HEATR3: variants seen among roughly 807,000 people sequenced by gnomAD.
HEATR3 encodes the protein HEAT repeat-containing protein 3.
In HEATR3, 56 loss-of-function variants were observed where a neutral mutation model predicts 72.8. The observed-to-expected ratio is 0.77, with a 90% confidence interval of 0.62 to 0.96. HEATR3 has a LOEUF of 0.96. HEATR3 is among the 40% of genes least tolerant of loss of function. The pLI is 0.00. For synonymous variants in HEATR3, 331 were observed against 318.1 expected (o/e 1.04, Z -0.43); for missense variants, 747 against 831.4 (o/e 0.90, Z 1.25).
intron 7 of HEATR3, among the ~76,000 whole-genome samples, chr16:50,083,692 T>C: frequency 6.6e-6 from 1 of 152,170 alleles, no homozygotes; most frequent in East Asian, 1.9e-4. Flanking sequence ...TAAGTGACGC[T>C]TGGGGAATAG....
chr16:50,080,443 C>T (rs2036842493), intron 7 of HEATR3, among the ~76,000 whole-genome samples: 1 of 151,322 alleles, frequency 6.6e-6, no homozygotes, highest in African/African-American at 2.4e-5. Context: ...CAGGTTCGAG[C>T]AATTCTCCTG....
At chr16:50,071,825 TA>T (rs879266736) in intron 4 of HEATR3, among the ~76,000 whole-genome samples, 1 of 152,248 alleles carries the variant, frequency 6.6e-6, no homozygotes, top group Non-Finnish European at 1.5e-5. Context: ...ACAACATGGA[TA>T]TTTCCTCTGG....
chr16:50,067,521 G>T (rs1307219531), intron 2 of HEATR3, among the ~76,000 whole-genome samples: 1 of 79,160 alleles, frequency 1.3e-5, no homozygotes, highest in Non-Finnish European at 3.0e-5. Context: ...AGCAGAGAGG[G>T]TAGGTAGGTG....
chr16:50,093,922 C>T (rs2037174904), intron 11 of HEATR3, among the ~76,000 whole-genome samples: 1 of 152,190 alleles, frequency 6.6e-6, no homozygotes, highest in Non-Finnish European at 1.5e-5. Flanking sequence ...CAAAGTCCCA[C>T]CCTGATTTAA....
intron 12 of HEATR3, among the ~76,000 whole-genome samples, chr16:50,099,272 T>C (rs967492770): frequency 6.6e-6 from 1 of 152,148 alleles, no homozygotes; most frequent in African/African-American, 2.4e-5. Flanking sequence ...AAGCAGCAGC[T>C]TATGGGATCA....
intron 10 of HEATR3, among the ~76,000 whole-genome samples, chr16:50,085,108 A>G (rs1047105340): frequency 4.1e-5 from 6 of 145,684 alleles, no homozygotes; most frequent in Non-Finnish European, 6.1e-5. Context: ...TAAACCTATT[A>G]AAAAAAAAAA....
intron 11 of HEATR3, among the ~76,000 whole-genome samples, chr16:50,087,487 A>G (rs1484974655): frequency 6.6e-6 from 1 of 152,224 alleles, no homozygotes; most frequent in Admixed American, 6.5e-5. Context: ...TCATAGTAAA[A>G]TCTTACTTAA....
At position 50,084,678 on chromosome 16, in the gene HEATR3, AT is replaced by A. The variant is rs765357871; in HGVS notation, c.1373+30del. On this transcript the variant is annotated intron_variant, in intron 10 of 14. Transcript: ENST00000299192. ...TAAGAACTCTTCTGCTTTCAAAAACATTTGTCATTATTTTATTTTATGAAAT... is the reference window on the plus strand; with the variant it reads ...TAAGAACTCTTCTGCTTTCAAAAACATTGTCATTATTTTATTTTATGAAAT... The A allele has an allele frequency of 2.7e-6, 4 of 1,466,158 alleles. No homozygotes were observed. In the African/African-American group the frequency reaches 5.6e-5, roughly 21 times the overall value. 90.8% of individuals were successfully genotyped at this position (1,466,158 alleles called of 1,614,324 possible). A position where few individuals can be genotyped will look rare whatever the true frequency, so the allele number is the denominator to read the frequency against.
chr16:50,084,037 C>T lies in HEATR3; in HGVS notation c.1132+10C>T, dbSNP rs1386529383. ...ATGTGCTGCAATGAAGGTTTGTTAA[C>T]ATTTACATTTAGACATTTTCCCCCT... On this transcript the variant is annotated intron_variant, in intron 8 of 14. Coordinates refer to ENST00000299192, the MANE Select transcript of HEATR3 (RefSeq NM_182922.4). The T allele has an allele frequency of 1.2e-6, 2 of 1,613,624 alleles. No individual in the cohort carries two copies. The highest frequency in any genetic ancestry group is 1.7e-6 in the Non-Finnish European group (2 of 1,179,792).
chr16:50,084,346 G>T, intron 9 of HEATR3, 55 bp downstream of exon 9: 2 of 1,562,666 alleles, frequency 1.3e-6, no homozygotes, highest in Admixed American at 1.8e-5. Context: ...CTTAAGCAAG[G>T]TATTCATTTT....
chr16:50,066,332 G>T, intron 1 of HEATR3, 35 bp from the exon 2 acceptor site: 3 of 1,563,842 alleles, frequency 1.9e-6, no homozygotes, highest in Non-Finnish European at 2.6e-6. Context: ...CGTGCGCATT[G>T]CGCGCCTTCT....
intron 1 of HEATR3, 41 bp from the exon 2 acceptor site, chr16:50,066,326 C>G (rs766419060): frequency 6.4e-7 from 1 of 1,562,654 alleles, no homozygotes; most frequent in East Asian, 2.3e-5. Context: ...CGCGCGCGTG[C>G]GCATTGCGCG....
chr16:50,095,156 C>T (rs2037205573), intron 12 of HEATR3, among the ~76,000 whole-genome samples: 1 of 151,570 alleles, frequency 6.6e-6, no homozygotes, highest in Non-Finnish European at 1.5e-5. Context: ...CTCTGTCGCC[C>T]AGGCTGGAGT....
At chr16:50,086,076 AT>A (rs770835160) in intron 10 of HEATR3, 138 bp from the exon 11 acceptor site, 6 of 758,848 alleles carry the variant, frequency 7.9e-6, no homozygotes, top group Non-Finnish European at 1.2e-5. Flanking sequence ...TCACCTTGTG[AT>A]TCTTTGCTAA....
Position 50,070,126 on chromosome 16 carries a change from T to A in HEATR3, c.400-52T>A, listed in dbSNP as rs558407461. On this transcript the variant is annotated intron_variant, in intron 3 of 14. Transcript: ENST00000299192. The stretch of plus-strand genomic sequence containing the variant: ...TGTTTCATCACCATCATTACCCTAT[T>A]TGTTTAATTCTTCTTAGGAACCAGG... 38 of 864,236 alleles carry A rather than the reference T, an allele frequency of 4.4e-5. No individual in the cohort carries two copies. The African/African-American group carries it at 5.8e-4, about 13-fold the overall frequency. The allele number at this position is 864,236 out of a possible 1,614,324, so 53.5% of individuals were successfully genotyped here.
chr16:50,104,345 C>G (rs2037434039), intron 14 of HEATR3, among the ~76,000 whole-genome samples: 1 of 151,994 alleles, frequency 6.6e-6, no homozygotes, highest in Non-Finnish European at 1.5e-5. Flanking sequence ...AGAGAGAGAC[C>G]CTGTTCCAAA....
At chr16:50,096,241 C>T (rs1469024596) in intron 12 of HEATR3, among the ~76,000 whole-genome samples, 1 of 141,054 alleles carries the variant, frequency 7.1e-6, no homozygotes, top group Non-Finnish European at 1.5e-5. Flanking sequence ...AGGAGAATCA[C>T]TTGAACCTGG....
chr16:50,101,928 G>A (rs1001622817), intron 13 of HEATR3, among the ~76,000 whole-genome samples: 3 of 151,996 alleles, frequency 2.0e-5, no homozygotes, highest in South Asian at 4.2e-4. Context: ...TGTTGTTGTC[G>A]TTGTTGTTAC....
At chr16:50,068,196 A>C (rs1378857369) in intron 2 of HEATR3, among the ~76,000 whole-genome samples, 2 of 152,204 alleles carry the variant, frequency 1.3e-5, no homozygotes, top group East Asian at 3.8e-4. Context: ...GGACTAGCAC[A>C]GTGCTGTGTA....
Sources: allele counts gnomAD v4.1 joint callset (sites outside exome capture counted in the v4.1 genomes callset), GRCh38; gene constraint gnomAD v4.1.1; transcripts MANE v1.5; gene names NCBI Gene and HGNC (gene_info 2026-07-23, HGNC 2026-07-21).